Variants in KAZN observed in about 807,000 individuals in gnomAD.
KAZN encodes the protein kazrin, periplakin interacting protein, also known as kazrin.
A neutral mutation model predicts 87.4 loss-of-function variants in KAZN; 40 were observed. The ratio of observed to expected loss-of-function variants is 0.46; its 90% CI spans 0.36 to 0.60. KAZN has a LOEUF of 0.60. Ranked by LOEUF, KAZN falls within the 20% of genes least tolerant of loss-of-function variation. The probability of loss-of-function intolerance (pLI) is 0.00; values close to 1 mark genes in which losing one functional copy is unlikely to be tolerated. For synonymous variants in KAZN, 466 were observed against 458.3 expected, an observed-to-expected ratio of 1.02 and a Z score of -0.22; for missense variants, 898 against 1,073.9, an observed-to-expected ratio of 0.84 and a Z score of 2.29.
At chr1:14,638,832 T>C (rs1680207903) in intron 1 of KAZN, among the ~76,000 whole-genome samples, 1 of 152,168 alleles carries the variant, frequency 6.6e-6, no homozygotes, top group Admixed American at 6.5e-5. Context: ...ATCTCCTTGC[T>C]TCTTGCCTTC....
intron 2 of KAZN, among the ~76,000 whole-genome samples, chr1:14,282,836 G>A (rs561908014): frequency 4.9e-4 from 75 of 152,296 alleles, no homozygotes; most frequent in African/African-American, 1.8e-3. Context: ...GCCCTTTAGG[G>A]AAGAATTCAG....
intron 2 of KAZN, among the ~76,000 whole-genome samples, chr1:14,504,074 T>C (rs184315561): frequency 1.7e-3 from 253 of 152,308 alleles, no homozygotes; most frequent in African/African-American, 5.9e-3. Context: ...CTAGTCGCTT[T>C]GATTGACTCA....
chr1:14,953,717 C>T (rs970044044), intron 1 of KAZN, among the ~76,000 whole-genome samples: 1 of 152,064 alleles, frequency 6.6e-6, no homozygotes, highest in African/African-American at 2.4e-5. Flanking sequence ...TACAAACCTA[C>T]GATTCACCAA....
chr1:15,011,710 C>G (rs917007097), intron 2 of KAZN, among the ~76,000 whole-genome samples: 1 of 152,192 alleles, frequency 6.6e-6, no homozygotes, highest in Admixed American at 6.5e-5. Context: ...AAAGCATAGA[C>G]CTTACTCTCT....
At chr1:14,843,233 G>A (rs901315976) in intron 1 of KAZN, among the ~76,000 whole-genome samples, 7 of 152,250 alleles carry the variant, frequency 4.6e-5, no homozygotes, top group African/African-American at 1.7e-4. Flanking sequence ...ACTCAAGGCA[G>A]TGTGTGGGGT....
At chr1:14,448,086 A>G (rs1343513045) in intron 2 of KAZN, among the ~76,000 whole-genome samples, 2 of 152,236 alleles carry the variant, frequency 1.3e-5, no homozygotes, top group Non-Finnish European at 2.9e-5. Flanking sequence ...ATTGTTCTCA[A>G]CAAGCCCTGG....
At chr1:14,189,105 T>C (rs1056862380) in intron 2 of KAZN, among the ~76,000 whole-genome samples, 4 of 152,180 alleles carry the variant, frequency 2.6e-5, no homozygotes, top group African/African-American at 9.6e-5. Context: ...TGGTGCCAAC[T>C]CGAGCCAATA....
intron 1 of KAZN, among the ~76,000 whole-genome samples, chr1:14,007,085 T>G (rs1257217111): frequency 2.0e-5 from 3 of 152,236 alleles, no homozygotes; most frequent in Admixed American, 1.3e-4. Flanking sequence ...TTTATTCTCT[T>G]TGATGCTATC....
intron 1 of KAZN, among the ~76,000 whole-genome samples, chr1:14,951,724 C>T (rs12037165): frequency 0.16 from 24,757 of 152,082 alleles, 2,385 homozygotes; most frequent in Middle Eastern, 0.22. Flanking sequence ...GTGATCTACC[C>T]GCCTCAGCTT....
chr1:13,952,498 A>T lies in KAZN; in HGVS notation c.91+58742A>T, dbSNP rs558049109. On this transcript the variant is annotated intron_variant, in intron 1 of 16. Transcript: ENST00000636203. Reference sequence around the variant, plus strand: ...TCGCAATTCTTCTAGGCACTATCTTATCTCTCCTCTCACCCCTTACATGGA... The same window carrying T: ...TCGCAATTCTTCTAGGCACTATCTTTTCTCTCCTCTCACCCCTTACATGGA... Among the ~76,000 whole-genome samples the T allele has an allele frequency of 2.0e-5, 3 of 152,154 alleles. No homozygotes were observed. In the East Asian group the frequency reaches 5.8e-4, roughly 29 times the overall value.
At chr1:14,682,443 A>C (rs190829934) in intron 1 of KAZN, among the ~76,000 whole-genome samples, 592 of 152,026 alleles carry the variant, frequency 3.9e-3, no homozygotes, top group Non-Finnish European at 6.3e-3. Context: ...ATATACCACC[A>C]TGCCTGGCTA....
At position 14,423,089 on chromosome 1, in the gene KAZN, C is replaced by T. The variant is rs529424994; in HGVS notation, c.250-175894C>T. ...TCTCATAGCAACTTGTTGGAAGATCCGAAGGCCCTGTCTACTTAGCACCTG... is the reference window on the plus strand; with the variant it reads ...TCTCATAGCAACTTGTTGGAAGATCTGAAGGCCCTGTCTACTTAGCACCTG... On this transcript the variant is annotated intron_variant, in intron 2 of 16. Coordinates refer to the KAZN transcript ENST00000636203. Among the ~76,000 whole-genome samples, 4 of 152,294 alleles carry T rather than the reference C, an allele frequency of 2.6e-5. No individual in the cohort carries two copies. In the South Asian group the frequency reaches 6.2e-4, roughly 24 times the overall value.
rs1221182635 is a variant in KAZN, at chr1:15,117,237, C to G, written c.*2602C>G. On this transcript the variant is annotated 3_prime_UTR_variant, in exon 15 of 15. Coordinates refer to ENST00000376030, the MANE Select transcript of KAZN (RefSeq NM_201628.3). Reference sequence around the variant, plus strand: ...AGAACAGTGACCAGCTACATCCTGTCCAAGCAGCCCGAGTGTGGTCTTGGT... The same window carrying G: ...AGAACAGTGACCAGCTACATCCTGTGCAAGCAGCCCGAGTGTGGTCTTGGT... The G allele has an allele frequency of 6.6e-6, 1 of 152,280 alleles. No individual in the cohort carries two copies. Among genetic ancestry groups the G allele is most frequent in the Non-Finnish European group, 1.5e-5 (1 of 68,126 alleles). The allele number at this position is 152,280 out of a possible 1,614,324, so 9.4% of individuals were successfully genotyped here. A position where few individuals can be genotyped will look rare whatever the true frequency, so the allele number is the denominator to read the frequency against.
chr1:14,109,668 C>T (rs1427596469), intron 1 of KAZN, among the ~76,000 whole-genome samples: 1 of 152,108 alleles, frequency 6.6e-6, no homozygotes, highest in African/African-American at 2.4e-5. Context: ...TTTGATTTCC[C>T]ATTTGCACGG....
intron 2 of KAZN, among the ~76,000 whole-genome samples, chr1:14,476,137 G>A (rs1668710061): frequency 6.6e-6 from 1 of 152,156 alleles, no homozygotes; most frequent in Admixed American, 6.5e-5. Context: ...TGCACATTCG[G>A]ACTGGTTTGA....
At chr1:14,636,862 CA>C (rs1388252289) in intron 1 of KAZN, among the ~76,000 whole-genome samples, 8 of 152,128 alleles carry the variant, frequency 5.3e-5, no homozygotes, top group African/African-American at 1.9e-4. Context: ...CAAAGGGAAT[CA>C]AAAGAGGAAA....
At chr1:15,026,552 A>C (rs1303001592) in intron 2 of KAZN, among the ~76,000 whole-genome samples, 1 of 151,974 alleles carries the variant, frequency 6.6e-6, no homozygotes, top group Admixed American at 6.6e-5. Context: ...CCCACCCCCA[A>C]CTCTGAAGCT....
At chr1:13,945,429 G>C (rs1641099489) in intron 1 of KAZN, among the ~76,000 whole-genome samples, 1 of 149,402 alleles carries the variant, frequency 6.7e-6, no homozygotes. Flanking sequence ...AGCTGAGATG[G>C]CACCACTGCA....
chr1:14,465,750 T>G (rs1668091132), intron 2 of KAZN, among the ~76,000 whole-genome samples: 2 of 152,168 alleles, frequency 1.3e-5, no homozygotes, highest in South Asian at 4.1e-4. Context: ...TTACGACATG[T>G]CAGTTATTCA....
Sources: gnomAD v4.1 joint callset for allele counts (sites outside exome capture counted in the v4.1 genomes callset) on GRCh38, gnomAD v4.1.1 for gene constraint, MANE v1.5 for transcripts, NCBI Gene and HGNC (gene_info 2026-07-23, HGNC 2026-07-21) for gene names.